NDUFS8: variants seen among roughly 807,000 people sequenced by gnomAD.
NDUFS8 encodes NADH dehydrogenase [ubiquinone] iron-sulfur protein 8, mitochondrial.
NDUFS8 carries 13 observed loss-of-function variants against 25.6 expected under a neutral mutation model. The observed-to-expected ratio is 0.51, with a 90% confidence interval of 0.33 to 0.81. NDUFS8 has a LOEUF of 0.81. Ranked by LOEUF, NDUFS8 falls within the 30% of genes least tolerant of loss-of-function variation. The probability of loss-of-function intolerance (pLI) is 0.02; values close to 1 mark genes in which losing one functional copy is unlikely to be tolerated. For missense variants in NDUFS8, 257 were observed against 300.9 expected (o/e 0.85, Z 1.08); for synonymous variants, 119 against 119.4 (o/e 1.00, Z 0.02).
In NDUFS8 at chr11:68,033,065, TG is replaced by T. The variant is rs1312659594; in HGVS notation, c.200-41del. 3.7e-6 allele frequency: 6 copies of T among 1,613,020 alleles called. No individual in the cohort carries two copies. The Admixed American group carries it at 8.3e-5, about 22-fold the overall frequency. On this transcript the variant is annotated intron_variant, in intron 4 of 6. Coordinates refer to ENST00000313468, the MANE Select transcript of NDUFS8 (RefSeq NM_002496.4). ...AAGGTGCCGGGTGGGCACGGATGCA[TG>T]GGGGAGGAGGGTGCCCCTGCCCACC...
rs1804688 is a variant in NDUFS8 at position 68,036,557 on chromosome 11, C to T, written c.597C>T (p.Ile199=). The change falls in exon 7 of 7, where the codon ATC becomes ATT. Residue 199 remains isoleucine (I), a synonymous_variant. Transcript: ENST00000313468. ...ACGGGGACAAGTGGGAGGCCGAGAT[C>T]GCCGCCAACATCCAGGCTGACTACT... ...LNNGDKWEAE[I]AANIQADYLY... 3.0e-4 allele frequency: 483 copies of T among 1,614,058 alleles called. 9 individuals are homozygous for T. In the South Asian group the frequency reaches 4.4e-3, roughly 15 times the overall value.
At position 68,032,956 on chromosome 11, in the gene NDUFS8, T is replaced by C. The variant is rs1854800648; in HGVS notation, c.143T>C (p.Met48Thr). 1 of 1,613,828 alleles carries C rather than the reference T, an allele frequency of 6.2e-7. No individual in the cohort carries two copies. The highest frequency in any genetic ancestry group is 8.5e-7 in the Non-Finnish European group (1 of 1,179,950). Residue 48 changes from methionine to threonine, a missense_variant, in exon 4 of 7, where the codon ATG (methionine) becomes ACG (threonine). Physicochemically the swap from Met to Thr is moderately conservative, Grantham distance 81. Transcript: ENST00000313468. ...YVNMQDPEMD[M>T]KSVTDRAART... ...AACATGCAGGATCCCGAGATGGACATGAAGTCAGTGACTGACCGGGCAGCC... is the reference window on the plus strand; with the variant it reads ...AACATGCAGGATCCCGAGATGGACACGAAGTCAGTGACTGACCGGGCAGCC...
chr11:68,033,885 A>C (rs1854824543), intron 5 of NDUFS8: 1 of 165,992 alleles, frequency 6.0e-6, no homozygotes, highest in Admixed American at 5.7e-5. Flanking sequence ...TCCAGATCCT[A>C]GTTTGTCCTC....
intron 5 of NDUFS8, 64 bp downstream of exon 5, chr11:68,033,347 G>A: frequency 6.5e-7 from 1 of 1,549,182 alleles, no homozygotes; most frequent in Non-Finnish European, 8.7e-7. Flanking sequence ...AGGCCAGGCA[G>A]CCCTAGGCCC....
At chr11:68,031,574 C>T (rs1371162820) in intron 1 of NDUFS8, 1 of 185,086 alleles carries the variant, frequency 5.4e-6, no homozygotes, top group Non-Finnish European at 1.2e-5. Context: ...TCTCAAACTC[C>T]TGACCTCAGG....
intron 3 of NDUFS8, 57 bp from the exon 4 acceptor site, chr11:68,032,865 TC>T: frequency 6.6e-7 from 1 of 1,526,604 alleles, no homozygotes; most frequent in Non-Finnish European, 9.1e-7. Context: ...TCCCTGAGGC[TC>T]CAGGGAGACA....
chr11:68,034,633 T>G (rs929058870), intron 5 of NDUFS8: 1 of 150,340 alleles, frequency 6.7e-6, no homozygotes, highest in African/African-American at 2.5e-5. Context: ...GCCAACATAG[T>G]GAAACCCCGT....
Position 68,032,959 on chromosome 11 carries a change from A to C in NDUFS8, c.146A>C (p.Lys49Thr). 1 of 1,613,864 alleles carries C rather than the reference A, an allele frequency of 6.2e-7. No homozygotes were observed. Among genetic ancestry groups the C allele is most frequent in the African/African-American group, 1.3e-5 (1 of 75,026 alleles). ...ATGCAGGATCCCGAGATGGACATGA[A>C]GTCAGTGACTGACCGGGCAGCCCGC... ...VNMQDPEMDM[K>T]SVTDRAARTL... Residue 49 changes from lysine to threonine, a missense_variant, in exon 4 of 7, where the codon AAG (lysine) becomes ACG (threonine). Transcript: ENST00000313468.
chr11:68,033,208 T>G lies in NDUFS8; in HGVS notation c.297T>G (p.His99Gln). The change falls in exon 5 of 7, where the codon CAT becomes CAG. Residue 99 changes from histidine to glutamine, a missense_variant. His to Gln is a conservative substitution (Grantham distance 24). Coordinates refer to ENST00000313468, the MANE Select transcript of NDUFS8 (RefSeq NM_002496.4). ...GPLSPRFRGE[H>Q]ALRRYPSGEE... ...TGAGCCCTCGCTTCCGTGGGGAGCA[T>G]GCGCTGCGCCGGTACCCATCCGGGG... The G allele has an allele frequency of 6.2e-7, 1 of 1,612,224 alleles. No homozygotes were observed. Among genetic ancestry groups the G allele is most frequent in the Non-Finnish European group, 8.5e-7 (1 of 1,179,656 alleles).
rs562250055 is a variant in NDUFS8, at chr11:68,035,600, C to T, written c.373-653C>T. On this transcript the variant is annotated intron_variant, in intron 5 of 6. Coordinates refer to ENST00000313468, the MANE Select transcript of NDUFS8 (RefSeq NM_002496.4). ...ATCTGGAAAGCTTGGTGAGGCGAGG[C>T]GGGACTGTAACTCAGCACTCACCGC... 1.1e-3 allele frequency: 399 copies of T among 349,432 alleles called. 6 individuals are homozygous for T. The highest frequency in any genetic ancestry group is 6.8e-3 in the South Asian group (352 of 51,640). 21.6% of individuals were successfully genotyped at this position (349,432 alleles called of 1,614,324 possible).
rs1481563321 is a variant in NDUFS8, at chr11:68,036,447, C to T, written c.502-15C>T. The T allele has an allele frequency of 3.1e-6, 5 of 1,614,002 alleles. No homozygotes were observed. The African/African-American group carries it at 5.3e-5, about 17-fold the overall frequency. On this transcript the variant is annotated splice_polypyrimidine_tract_variant and intron_variant, in intron 6 of 6. Transcript: ENST00000313468. ...CAGCAGGGCCTAACCACCGTCCCTG[C>T]ACCTCAACCTGCAGGGCCCCAACTT...
chr11:68,036,017 C>CAAAAAA, intron 5 of NDUFS8: 9 of 374,240 alleles, frequency 2.4e-5, no homozygotes, highest in African/African-American at 6.3e-5. Context: ...GACTCTATCT[C>CAAAAAA]AAAAAAAAAA....
chr11:68,035,494 A>G (rs1197944514), intron 5 of NDUFS8: 2 of 252,184 alleles, frequency 7.9e-6, no homozygotes, highest in African/African-American at 4.6e-5. Flanking sequence ...ATAAGAAGCA[A>G]GCACATGGTT....
At position 68,033,217 on chromosome 11, in the gene NDUFS8, C is replaced by T. The variant is rs1166924613; in HGVS notation, c.306C>T (p.Arg102=). 2.5e-6 allele frequency: 4 copies of T among 1,612,072 alleles called. No individual in the cohort carries two copies. Among genetic ancestry groups the T allele is most frequent in the Non-Finnish European group, 3.4e-6 (4 of 1,179,612 alleles). Residue 102 remains arginine (R), a synonymous_variant, in exon 5 of 7, where the codon CGC becomes CGT. Coordinates refer to ENST00000313468, the MANE Select transcript of NDUFS8 (RefSeq NM_002496.4). ...SPRFRGEHAL[R]RYPSGEERCI... is the part of the protein sequence containing the mutation. ...GCTTCCGTGGGGAGCATGCGCTGCGCCGGTACCCATCCGGGGAGGAGCGTT... is the reference window on the plus strand; with the variant it reads ...GCTTCCGTGGGGAGCATGCGCTGCGTCGGTACCCATCCGGGGAGGAGCGTT...
At chr11:68,035,710 C>T (rs1175244483) in intron 5 of NDUFS8, 13 of 454,774 alleles carry the variant, frequency 2.9e-5, no homozygotes, top group Non-Finnish European at 5.3e-5. Context: ...TGGCAGATGA[C>T]GCCAGCAGCT....
intron 1 of NDUFS8, 106 bp from the exon 2 acceptor site, chr11:68,032,046 G>A: frequency 1.3e-6 from 2 of 1,546,672 alleles, no homozygotes. Context: ...CGAGTAGAGG[G>A]CAAAGTGACA....
At chr11:68,030,840 T>TCGGCTC (rs1854746879) in intron 1 of NDUFS8, 107 bp downstream of exon 1, 1 of 427,206 alleles carries the variant, frequency 2.3e-6, no homozygotes, top group Admixed American at 2.5e-5. Flanking sequence ...GGGCTTCCCC[T>TCGGCTC]CGGCTCACTC....
At chr11:68,030,969 A>G (rs1234325280) in intron 1 of NDUFS8, 4 of 438,052 alleles carry the variant, frequency 9.1e-6, no homozygotes, top group Admixed American at 4.9e-5. Flanking sequence ...AAGGTGGGGA[A>G]GGTGCTGGGT....
intron 5 of NDUFS8, 157 bp from the exon 6 acceptor site, chr11:68,036,096 C>A: frequency 1.7e-6 from 2 of 1,207,746 alleles, no homozygotes; most frequent in Non-Finnish European, 2.3e-6. Flanking sequence ...GGCGCGAGCA[C>A]CAGAGGTGCA....
Sources: gnomAD v4.1 joint callset for allele counts on GRCh38, gnomAD v4.1.1 for gene constraint, MANE v1.5 for transcripts, NCBI Gene and HGNC (gene_info 2026-07-23, HGNC 2026-07-21) for gene names.